Variants in GNAS observed in about 807,000 individuals in gnomAD.
The protein encoded by GNAS is protein ALEX.
GNAS carries 8 observed loss-of-function variants against 54.5 expected under a neutral mutation model. That is an observed-to-expected ratio of 0.15 (90% CI 0.09 to 0.26). The LOEUF (loss-of-function observed/expected upper bound fraction) is 0.26, where lower values mean the gene tolerates loss of function less well. Among genes scored for constraint, GNAS ranks in the 10% least tolerant of loss-of-function variants. GNAS has a pLI of 1.00. For missense variants in GNAS, 170 were observed against 529.8 expected (o/e 0.32, Z 6.67); for synonymous variants, 204 against 191.4 (o/e 1.07, Z -0.54).
chr20:58,885,016 C>T (rs1174919571), intron 1 of GNAS: 3 of 152,262 alleles, frequency 2.0e-5, no homozygotes, highest in Non-Finnish European at 4.4e-5. Context: ...CACCTAGAAT[C>T]TTCAATGAAG....
At chr20:58,843,366 T>C (rs2085817133) in intron 1 of GNAS, 1 of 152,176 alleles carries the variant, frequency 6.6e-6, no homozygotes, top group East Asian at 1.9e-4. Context: ...TTTTGCTATA[T>C]AGACTTCGCA....
intron 1 of GNAS, among the ~76,000 whole-genome samples, chr20:58,862,200 C>T (rs148957913): frequency 6.6e-6 from 1 of 152,090 alleles, no homozygotes; most frequent in Non-Finnish European, 1.5e-5. Flanking sequence ...CTCTGTCGCC[C>T]AAGCTGGAGT....
chr20:58,863,005 C>G lies in GNAS; in HGVS notation c.43+22119C>G, dbSNP rs1227656504. Among the ~76,000 whole-genome samples the G allele has an allele frequency of 1.3e-5, 2 of 151,752 alleles. No individual in the cohort carries two copies. Among genetic ancestry groups the G allele is most frequent in the Non-Finnish European group, 2.9e-5 (2 of 67,974 alleles). ...AAAGAAAGAAAATGTGTTTAGTTTC[C>G]TTTCCAACAGCCAGATGGTGAACCA... On this transcript the variant is annotated intron_variant, in intron 1 of 12. Transcript: ENST00000306090. The surrounding 1 kb of genome is among the most constrained non-coding windows in gnomAD (Gnocchi z 4.1).
intron 1 of GNAS, chr20:58,855,854 C>G (rs2086473321): frequency 1.8e-6 from 1 of 564,404 alleles, no homozygotes; most frequent in Non-Finnish European, 3.1e-6. Flanking sequence ...GTCCCCTGTT[C>G]CTATCCCGGC....
chr20:58,888,976 G>A (rs2088816386), upstream of GNAS: 4 of 736,470 alleles, frequency 5.4e-6, no homozygotes, highest in Non-Finnish European at 6.6e-6. Context: ...CGCGGCCCCC[G>A]CGCCCCCGGC....
rs954599073 is a variant in GNAS, at chr20:58,893,713, G to A, written c.139+1848G>A. 6.6e-5 allele frequency among the ~76,000 whole-genome samples: 10 copies of A among 152,212 alleles called. No homozygotes were observed. The East Asian group carries it at 1.9e-3, about 29-fold the overall frequency. ...CTAAAACTTTTAAAGGCAGAATTAT[G>A]CTGTTGGGATATTAGTATGCGTATA... On this transcript the variant is annotated intron_variant, in intron 1 of 12. Coordinates refer to ENST00000371085, the MANE Select transcript of GNAS (RefSeq NM_000516.7).
Position 58,910,567 on chromosome 20 carries a change from G to A in GNAS, c.1039-116G>A. On this transcript the variant is annotated intron_variant, in intron 12 of 12. Coordinates refer to ENST00000371085, the MANE Select transcript of GNAS (RefSeq NM_000516.7). This position sits in a 1 kb window ranked among gnomAD's most constrained non-coding sequence, Gnocchi z 5.8. Reference sequence around the variant, plus strand: ...TCTTTGCGCCCCTCTTTTTGCTTTTGTTTTCATATGACATCAGAGGCTGGC... The same window carrying A: ...TCTTTGCGCCCCTCTTTTTGCTTTTATTTTCATATGACATCAGAGGCTGGC... 7.4e-7 allele frequency: 1 copy of A among 1,349,960 alleles called. No homozygotes were observed. Among genetic ancestry groups the A allele is most frequent in the Middle Eastern group, 2.2e-4 (1 of 4,452 alleles). The allele number at this position is 1,349,960 out of a possible 1,614,324, so 83.6% of individuals were successfully genotyped here.
At chr20:58,889,350 A>G (rs903125078), upstream of GNAS, 45 of 984,322 alleles carry the variant, frequency 4.6e-5, no homozygotes, top group Admixed American at 6.2e-5. Context: ...CACCTCACTC[A>G]CATGTAAGTC....
At chr20:58,868,918 A>G (rs921467680) in intron 1 of GNAS, among the ~76,000 whole-genome samples, 6 of 152,234 alleles carry the variant, frequency 3.9e-5, no homozygotes, top group Non-Finnish European at 7.3e-5. Flanking sequence ...TACGATTGAC[A>G]GCCTGGCTTT....
chr20:58,840,090 G>A (rs1347160859), upstream of GNAS: 4 of 1,609,350 alleles, frequency 2.5e-6, no homozygotes, highest in Admixed American at 1.7e-5. The surrounding 1 kb of genome is among the most constrained non-coding windows in gnomAD (Gnocchi z 6.0). Flanking sequence ...CCGGCTTCTC[G>A]GTGTGTGCCT....
chr20:58,903,468 A>G, intron 3 of GNAS, 63 bp from the exon 4 acceptor site: 19 of 1,315,218 alleles, frequency 1.4e-5, no homozygotes, highest in Non-Finnish European at 2.1e-5. Flanking sequence ...TGTCTTTATG[A>G]AAGCAGTACT....
chr20:58,907,124 AG>A (rs1223613813), intron 6 of GNAS, among the ~76,000 whole-genome samples: 1 of 152,180 alleles, frequency 6.6e-6, no homozygotes, highest in Admixed American at 6.5e-5. Context: ...AATAAACAGG[AG>A]GGAGGAAGAG....
chr20:58,871,520 A>T (rs1289540362), intron 1 of GNAS, among the ~76,000 whole-genome samples: 1 of 150,270 alleles, frequency 6.7e-6, no homozygotes, highest in Non-Finnish European at 1.5e-5. Flanking sequence ...AGGCTGAGAC[A>T]GGAGAATCGC....
intron 6 of GNAS, among the ~76,000 whole-genome samples, chr20:58,906,176 C>G (rs186822849): frequency 6.6e-6 from 1 of 152,156 alleles, no homozygotes; most frequent in Non-Finnish European, 1.5e-5. Flanking sequence ...TTACTACCTG[C>G]GAGGAGGACA....
Position 58,891,435 on chromosome 20 carries a change from C to A in GNAS, c.-292C>A. 1 of 491,810 alleles carries A rather than the reference C, an allele frequency of 2.0e-6. No individual in the cohort carries two copies. Among genetic ancestry groups the A allele is most frequent in the Non-Finnish European group, 2.6e-6 (1 of 380,774 alleles). 30.5% of individuals were successfully genotyped at this position (491,810 alleles called of 1,614,324 possible). ...GCAGCGGCGGCAGCAGCTCCCGCAG[C>A]TCCTGCTCTGGTCCGCCTCGGCCCG... On this transcript the variant is annotated 5_prime_UTR_variant, in exon 1 of 13. Coordinates refer to ENST00000371085, the MANE Select transcript of GNAS (RefSeq NM_000516.7).
At chr20:58,892,250 G>A (rs1007648594) in intron 1 of GNAS, 1 of 911,074 alleles carries the variant, frequency 1.1e-6, no homozygotes, top group Non-Finnish European at 1.3e-6. Context: ...ATGGGGCTCC[G>A]GAGACTGCGA....
At chr20:58,855,426 G>T in intron 1 of GNAS, 1 of 1,122,072 alleles carries the variant, frequency 8.9e-7, no homozygotes, top group Non-Finnish European at 1.3e-6. Flanking sequence ...GGGCTCCGCA[G>T]TGGGAGGAGG....
intron 4 of GNAS, 28 bp downstream of exon 4, chr20:58,903,613 T>G: frequency 6.2e-7 from 1 of 1,614,090 alleles, no homozygotes; most frequent in Non-Finnish European, 8.5e-7. Flanking sequence ...GTGCTGTCTG[T>G]CTTGTAGCGC....
In GNAS at chr20:58,898,318, T is replaced by C. The variant is rs2090268771; in HGVS notation, c.213-623T>C. The C allele has an allele frequency of 2.0e-5, 3 of 152,150 alleles. 1 individual carries two copies. In the South Asian group the frequency reaches 6.2e-4, roughly 31 times the overall value. The allele number at this position is 152,150 out of a possible 1,614,324, so 9.4% of individuals were successfully genotyped here. On this transcript the variant is annotated intron_variant, in intron 2 of 12. Coordinates refer to ENST00000371085, the MANE Select transcript of GNAS (RefSeq NM_000516.7). The stretch of plus-strand genomic sequence containing the variant: ...GTGGGCTTTTGTTCTTTTTGTTTTT[T>C]CTGTGGTGGTGGTGGGTGGGCTTTT...
Sources: allele counts gnomAD v4.1 joint callset (sites outside exome capture counted in the v4.1 genomes callset), GRCh38; gene constraint gnomAD v4.1.1; non-coding constraint Gnocchi (gnomAD v3.1); transcripts MANE v1.5; gene names NCBI Gene and HGNC (gene_info 2026-07-23, HGNC 2026-07-21).